RBBP7: variants seen among roughly 807,000 people sequenced by gnomAD.
RBBP7 encodes histone-binding protein RBBP7.
In RBBP7, 5 loss-of-function variants were observed where a neutral mutation model predicts 35.2. That is an observed-to-expected ratio of 0.14 (90% CI 0.07 to 0.30). RBBP7 has a LOEUF of 0.30. RBBP7 is among the 10% of genes least tolerant of loss of function. The pLI is 1.00. For synonymous variants in RBBP7, 140 were observed against 118.7 expected (o/e 1.18, Z -1.17); for missense variants, 155 against 327.5 (o/e 0.47, Z 4.07).
intron 4 of RBBP7, 140 bp downstream of exon 4, chrX:16,858,536 A>G: frequency 1.1e-6 from 1 of 939,964 alleles, no homozygotes; most frequent in South Asian, 3.2e-5. Flanking sequence ...AAATCCCTGA[A>G]CTTGAGGATG....
At position 16,862,942 on chromosome X, in the gene RBBP7, A is replaced by T; in HGVS notation, c.307+13T>A. 1 of 1,207,660 alleles carries T rather than the reference A, an allele frequency of 8.3e-7. No homozygotes were observed. The highest frequency in any genetic ancestry group is 1.7e-5 in the African/African-American group (1 of 57,736). ...CCCTTTGACACCAATATTGGAATAT[A>T]TGATATACCTACCACCCTTGTCACT... On this transcript the variant is annotated intron_variant, in intron 3 of 11. Coordinates refer to ENST00000380087, the MANE Select transcript of RBBP7 (RefSeq NM_002893.4).
At chrX:16,861,949 C>T (rs1011068519) in intron 3 of RBBP7, among the ~76,000 whole-genome samples, 1 of 111,946 alleles carries the variant, frequency 8.9e-6, no homozygotes, top group Non-Finnish European at 1.9e-5. Flanking sequence ...ATGACACGTA[C>T]CTTCTTTTAT....
At chrX:16,868,867 T>A (rs903302684) in intron 2 of RBBP7, among the ~76,000 whole-genome samples, 2 of 112,121 alleles carry the variant, frequency 1.8e-5, no homozygotes, top group African/African-American at 6.5e-5. Flanking sequence ...ACACGATTAA[T>A]CTCACAACAG....
At chrX:16,869,753 C>G in intron 1 of RBBP7, 1 of 970,350 alleles carries the variant, frequency 1.0e-6, no homozygotes. Context: ...CGGGGGCCGC[C>G]TCCGCCCCGG....
At chrX:16,868,751 C>G (rs758408518) in intron 2 of RBBP7, among the ~76,000 whole-genome samples, 2 of 112,275 alleles carry the variant, frequency 1.8e-5, no homozygotes, top group Non-Finnish European at 3.8e-5. Context: ...CGTAAATATT[C>G]TATTTTTCAG....
At chrX:16,848,333 A>G (rs1291768449) in intron 10 of RBBP7, 1 of 112,122 alleles carries the variant, frequency 8.9e-6, no homozygotes, top group Admixed American at 9.5e-5. Flanking sequence ...TGTACACTTT[A>G]AAGAAGTGAA....
intron 3 of RBBP7, among the ~76,000 whole-genome samples, chrX:16,860,772 G>A (rs1335058753): frequency 2.7e-5 from 3 of 111,063 alleles, no homozygotes; most frequent in Admixed American, 9.6e-5. Context: ...AGAATACACT[G>A]GATGTGTAAC....
chrX:16,858,689 G>A lies in RBBP7; in HGVS notation c.468C>T (p.His156=). 8.3e-7 allele frequency: 1 copy of A among 1,210,618 alleles called. No homozygotes were observed. The highest frequency in any genetic ancestry group is 1.8e-5 in the South Asian group (1 of 56,753). ...SDVLVFDYTK[H]PAKPDPSGEC... is the part of the protein sequence containing the mutation. Reference sequence around the variant, plus strand: ...ATTATTACATACCTGGTTTAGCAGGGTGTTTTGTATAGTCAAAAACCAACA... The same window carrying A: ...ATTATTACATACCTGGTTTAGCAGGATGTTTTGTATAGTCAAAAACCAACA... Residue 156 remains histidine, a synonymous_variant, in exon 4 of 12, where the codon CAC becomes CAT. Transcript: ENST00000380087.
intron 2 of RBBP7, among the ~76,000 whole-genome samples, chrX:16,865,977 GAAGATAC>G (rs1208426577): frequency 8.9e-6 from 1 of 111,846 alleles, no homozygotes; most frequent in Non-Finnish European, 1.9e-5. Context: ...CATAAAAAAT[GAAGATAC>G]AGGTATGCAC....
chrX:16,861,208 A>G (rs1027026244), intron 3 of RBBP7, among the ~76,000 whole-genome samples: 9 of 112,434 alleles, frequency 8.0e-5, no homozygotes, highest in African/African-American at 2.9e-4. Context: ...AAAAACCCCA[A>G]TATTTAAAGA....
intron 5 of RBBP7, among the ~76,000 whole-genome samples, chrX:16,855,306 C>A (rs1003008247): frequency 8.9e-6 from 1 of 112,475 alleles, no homozygotes; most frequent in Non-Finnish European, 1.9e-5. Flanking sequence ...CCCACCTTGG[C>A]CTCCCAAAGT....
intron 2 of RBBP7, among the ~76,000 whole-genome samples, chrX:16,865,663 A>G (rs1468600114): frequency 8.9e-6 from 1 of 112,507 alleles, no homozygotes; most frequent in Admixed American, 9.4e-5. Flanking sequence ...CTAATGGTTA[A>G]GAAAGCCTAT....
intron 2 of RBBP7, among the ~76,000 whole-genome samples, chrX:16,866,364 A>G (rs1192445323): frequency 9.3e-6 from 1 of 107,992 alleles, no homozygotes; most frequent in East Asian, 2.9e-4. Context: ...TGTCTTTACC[A>G]AAAATACAAC....
intron 6 of RBBP7, chrX:16,853,092 G>C: frequency 2.3e-6 from 1 of 444,358 alleles, no homozygotes; most frequent in Non-Finnish European, 3.6e-6. Context: ...TTTTAAATTA[G>C]ATTCCTATTT....
intron 5 of RBBP7, among the ~76,000 whole-genome samples, chrX:16,855,414 T>C (rs1476547130): frequency 9.0e-6 from 1 of 111,172 alleles, no homozygotes; most frequent in African/African-American, 3.3e-5. Context: ...AGTAACAAAA[T>C]TTTTTTTTAC....
chrX:16,852,238 G>C (rs938184498), intron 8 of RBBP7, 116 bp from the exon 9 acceptor site: 3 of 686,878 alleles, frequency 4.4e-6, no homozygotes, highest in Non-Finnish European at 6.8e-6. Flanking sequence ...TCCTTGGCCT[G>C]ATGGCCTCAC....
intron 3 of RBBP7, among the ~76,000 whole-genome samples, chrX:16,860,094 G>A (rs139453068): frequency 4.0e-4 from 44 of 109,354 alleles, no homozygotes; most frequent in East Asian, 3.7e-3. Context: ...AATGTGCCTC[G>A]GCATGCTAAG....
intron 9 of RBBP7, 24 bp downstream of exon 9, chrX:16,852,022 T>A: frequency 8.5e-7 from 1 of 1,169,611 alleles, no homozygotes; most frequent in Non-Finnish European, 1.2e-6. Context: ...TTATGCAGTA[T>A]CTTGTCACAG....
intron 5 of RBBP7, among the ~76,000 whole-genome samples, chrX:16,854,961 A>G (rs2147518896): frequency 9.9e-6 from 1 of 101,400 alleles, no homozygotes; most frequent in African/African-American, 3.7e-5. Context: ...AGCACTAATT[A>G]TAGTTCCACC....
Sources: gnomAD v4.1 joint callset for allele counts (sites outside exome capture counted in the v4.1 genomes callset) on GRCh38, gnomAD v4.1.1 for gene constraint, MANE v1.5 for transcripts, NCBI Gene and HGNC (gene_info 2026-07-23, HGNC 2026-07-21) for gene names.